RBFOX1: variants seen among roughly 807,000 people sequenced by gnomAD.
RBFOX1 encodes RNA binding protein fox-1 homolog 1.
RBFOX1 carries 8 observed loss-of-function variants against 57.7 expected under a neutral mutation model. That is an observed-to-expected ratio of 0.14 (90% CI 0.08 to 0.25). The LOEUF is 0.25. Ranked by LOEUF, RBFOX1 falls within the 10% of genes least tolerant of loss-of-function variation. The pLI is 1.00. For synonymous variants in RBFOX1, 326 were observed against 222.4 expected (o/e 1.47, Z -4.15); for missense variants, 611 against 548.5 (o/e 1.11, Z -1.14).
intron 3 of RBFOX1, among the ~76,000 whole-genome samples, chr16:6,744,197 C>A (rs1019770083): frequency 3.3e-5 from 5 of 152,078 alleles, no homozygotes; most frequent in Admixed American, 6.6e-5. Flanking sequence ...AATATTTATG[C>A]ACCTCAACTT....
At chr16:5,617,506 GGTGTCCTGT>G (rs1216621533) in intron 3 of RBFOX1, among the ~76,000 whole-genome samples, 5 of 152,142 alleles carry the variant, frequency 3.3e-5, no homozygotes, top group African/African-American at 1.2e-4. Flanking sequence ...CTCCTTTAAG[GGTGTCCTGT>G]ACACAGTAGC....
In RBFOX1 at chr16:7,074,069, G is replaced by A. The variant is rs147544493; in HGVS notation, c.27+21971G>A. On this transcript the variant is annotated intron_variant, in intron 4 of 15. Transcript: ENST00000550418. ...AACAAGAAGGTTGGACAGTTTCAAC[G>A]GAGACCATATGGCCCACAGAGCCTA... Among the ~76,000 whole-genome samples the A allele has an allele frequency of 1.8e-4, 28 of 152,190 alleles. 1 individual carries two copies. Among genetic ancestry groups the A allele is most frequent in the South Asian group, 6.2e-4 (3 of 4,818 alleles).
intron 1 of RBFOX1, among the ~76,000 whole-genome samples, chr16:5,345,037 C>T (rs1362540268): frequency 6.6e-6 from 1 of 152,244 alleles, no homozygotes; most frequent in Non-Finnish European, 1.5e-5. Flanking sequence ...CTGTCTAGTT[C>T]TTCTGTTCCC....
intron 1 of RBFOX1, among the ~76,000 whole-genome samples, chr16:6,314,839 C>T (rs1287129005): frequency 6.6e-6 from 1 of 152,200 alleles, no homozygotes; most frequent in South Asian, 2.1e-4. Context: ...CTGTGAATCT[C>T]TAGAAGAGAA....
chr16:6,874,668 C>G (rs1464166479), intron 3 of RBFOX1, among the ~76,000 whole-genome samples: 1 of 152,062 alleles, frequency 6.6e-6, no homozygotes, highest in Admixed American at 6.6e-5. Context: ...TTCCCGAGTT[C>G]CTTAACATTG....
chr16:7,136,496 T>G (rs373646547), intron 4 of RBFOX1, among the ~76,000 whole-genome samples: 1 of 148,110 alleles, frequency 6.8e-6, no homozygotes, highest in Admixed American at 6.9e-5. Context: ...AGCCTTAAAC[T>G]CCTGGGCTAA....
chr16:6,947,331 A>G (rs1405548614), intron 3 of RBFOX1, among the ~76,000 whole-genome samples: 4 of 152,170 alleles, frequency 2.6e-5, no homozygotes, highest in Non-Finnish European at 5.9e-5. Flanking sequence ...ACAGTCTTTA[A>G]GAGATAACAT....
intron 1 of RBFOX1, among the ~76,000 whole-genome samples, chr16:5,421,454 G>C (rs1596986795): frequency 6.6e-6 from 1 of 152,206 alleles, no homozygotes; most frequent in Non-Finnish European, 1.5e-5. Context: ...CCACGTGCAA[G>C]TGTGGCTTTG....
chr16:5,583,300 C>G (rs1165064658), intron 2 of RBFOX1, among the ~76,000 whole-genome samples: 3 of 152,212 alleles, frequency 2.0e-5, no homozygotes, highest in Non-Finnish European at 2.9e-5. Context: ...AAACCGTAAC[C>G]TAGCTTCATA....
intron 3 of RBFOX1, among the ~76,000 whole-genome samples, chr16:6,771,420 A>G (rs2078271713): frequency 6.6e-6 from 1 of 152,092 alleles, no homozygotes; most frequent in Admixed American, 6.6e-5. Flanking sequence ...AAGCTAATAC[A>G]CTTCTGCTCC....
chr16:6,835,076 A>G (rs998174247), intron 3 of RBFOX1, among the ~76,000 whole-genome samples: 3 of 151,830 alleles, frequency 2.0e-5, no homozygotes, highest in Non-Finnish European at 1.5e-5. Context: ...TATATTTTTT[A>G]GTAGAGACGG....
chr16:7,546,027 A>G (rs79015484), intron 5 of RBFOX1, among the ~76,000 whole-genome samples: 4 of 150,446 alleles, frequency 2.7e-5, no homozygotes, highest in South Asian at 2.1e-4. Flanking sequence ...AAAAAAAAAA[A>G]AAAGAAAAAG....
chr16:5,707,436 A>G (rs1383866624), intron 3 of RBFOX1, among the ~76,000 whole-genome samples: 2 of 152,220 alleles, frequency 1.3e-5, no homozygotes, highest in Admixed American at 6.5e-5. Context: ...TGCCTTGCTC[A>G]TGAAGGCGGT....
intron 3 of RBFOX1, among the ~76,000 whole-genome samples, chr16:5,766,449 G>T (rs562611688): frequency 6.6e-6 from 1 of 152,258 alleles, no homozygotes; most frequent in Admixed American, 6.5e-5. Flanking sequence ...GCTGGGTGTG[G>T]TGGCACATGC....
At position 6,539,000 on chromosome 16, in the gene RBFOX1, A is replaced by G. The variant is rs574885593; in HGVS notation, c.-63-115603A>G. 5.9e-5 allele frequency among the ~76,000 whole-genome samples: 9 copies of G among 152,120 alleles called. No homozygotes were observed. In the East Asian group the frequency reaches 7.7e-4, roughly 13 times the overall value. On this transcript the variant is annotated intron_variant, in intron 2 of 15. Coordinates refer to ENST00000550418, the MANE Select transcript of RBFOX1 (RefSeq NM_018723.4). ...TACCTCCAGGTACTGTGTCATTCCAATGTTATTTTTACTGTCTCATGTGGA... is the reference window on the plus strand; with the variant it reads ...TACCTCCAGGTACTGTGTCATTCCAGTGTTATTTTTACTGTCTCATGTGGA...
At chr16:7,407,323 G>A (rs1017337313) in intron 4 of RBFOX1, among the ~76,000 whole-genome samples, 1 of 151,972 alleles carries the variant, frequency 6.6e-6, no homozygotes, top group Non-Finnish European at 1.5e-5. Context: ...GGGATAATGG[G>A]AATAAAGTAA....
At chr16:7,116,916 A>G (rs570870414) in intron 4 of RBFOX1, among the ~76,000 whole-genome samples, 2 of 152,232 alleles carry the variant, frequency 1.3e-5, no homozygotes, top group African/African-American at 4.8e-5. Context: ...AGGGAGAGGA[A>G]GTTTGGGGTT....
chr16:5,569,438 CT>C (rs796279138), intron 2 of RBFOX1, among the ~76,000 whole-genome samples: 1,217 of 49,154 alleles, frequency 0.025, 5 homozygotes, highest in African/African-American at 0.045. Context: ...AAGAAGTAAC[CT>C]TTTTTTTTTT....
chr16:6,501,806 T>A (rs2095939924), intron 2 of RBFOX1, among the ~76,000 whole-genome samples: 1 of 145,402 alleles, frequency 6.9e-6, no homozygotes, highest in South Asian at 2.4e-4. Flanking sequence ...TCCTCCAGGC[T>A]CTTTGCTGAC....
Sources: allele counts gnomAD v4.1 joint callset (sites outside exome capture counted in the v4.1 genomes callset), GRCh38; gene constraint gnomAD v4.1.1; transcripts MANE v1.5; gene names NCBI Gene and HGNC (gene_info 2026-07-23, HGNC 2026-07-21).